The following LRBA variants were observed in gnomAD, a reference collection of about 807,000 sequenced individuals.
LRBA encodes LPS responsive beige-like anchor protein.
Under a neutral mutation model 330.0 loss-of-function variants are expected in LRBA, and 176 were observed. The ratio of observed to expected loss-of-function variants is 0.53; its 90% confidence interval spans 0.47 to 0.60. The LOEUF is 0.60. Ranked by LOEUF, LRBA falls within the 20% of genes least tolerant of loss-of-function variation. LRBA has a pLI of 0.00. For synonymous variants in LRBA, 1,230 were observed against 1,193.0 expected, an observed-to-expected ratio of 1.03 and a Z score of -0.64; for missense variants, 3,259 against 3,444.8, an observed-to-expected ratio of 0.95 and a Z score of 1.35.
Position 150,872,756 on chromosome 4 carries a change from CTGAA to C in LRBA, c.2166-5_2166-2del. 6.5e-7 allele frequency: 1 copy of C among 1,529,220 alleles called. No homozygotes were observed. The highest frequency in any genetic ancestry group is 9.0e-7 in the Non-Finnish European group (1 of 1,114,186). The allele number at this position is 1,529,220 out of a possible 1,614,324, so 94.7% of individuals were successfully genotyped here. A position where few individuals can be genotyped will look rare whatever the true frequency, so the allele number is the denominator to read the frequency against. On this transcript the variant is annotated splice_acceptor_variant and splice_polypyrimidine_tract_variant and intron_variant, in intron 17 of 56. Transcript: ENST00000651943. LOFTEE classifies it high-confidence loss of function. ...CGATGCCAGAAGTTTGTAGATAACA[CTGAA>C]TGAATAAAAATTTAAAACAAACTAT...
intron 40 of LRBA, among the ~76,000 whole-genome samples, chr4:150,557,145 G>T (rs1158164559): frequency 6.6e-6 from 1 of 152,060 alleles, no homozygotes. Flanking sequence ...AAGTGCTCAA[G>T]AAAATGAAGG....
Position 151,014,438 on chromosome 4 carries a change from C to G in LRBA, c.205G>C (p.Val69Leu). The G allele has an allele frequency of 6.2e-7, 1 of 1,613,746 alleles. No homozygotes were observed. The highest frequency in any genetic ancestry group is 8.5e-7 in the Non-Finnish European group (1 of 1,179,604). Reference protein sequence around the residue: ...EVSNRDIVETVFNLLVGGQFD... With the variant: ...EVSNRDIVETLFNLLVGGQFD... ...ATTCATGGACTTACCAGGTTAAAGA[C>G]AGTTTCTACAATATCCCTATTGGAT... The change falls in exon 2 of 57, where the codon GTC becomes CTC. Residue 69 changes from valine to leucine, a missense_variant. Coordinates refer to ENST00000651943, the MANE Select transcript of LRBA (RefSeq NM_001364905.1).
At chr4:150,910,382 G>C (rs1336330939) in intron 9 of LRBA, among the ~76,000 whole-genome samples, 1 of 151,522 alleles carries the variant, frequency 6.6e-6, no homozygotes, top group East Asian at 1.9e-4. Context: ...CTTATTTTTC[G>C]CATCTGGATA....
At chr4:150,596,011 T>A (rs921882763) in intron 38 of LRBA, among the ~76,000 whole-genome samples, 3 of 151,996 alleles carry the variant, frequency 2.0e-5, no homozygotes. Context: ...AAAGAATACT[T>A]AATCATAAGA....
In LRBA at chr4:150,989,380, C is replaced by T. The variant is rs537916084; in HGVS notation, c.216+25047G>A. ...CTGTAATCCCAGCACTTTGGGAGGC[C>T]GAGGCAGGCAGATCACGAGGTCAGG... On this transcript the variant is annotated intron_variant, in intron 2 of 56. Coordinates refer to ENST00000651943, the MANE Select transcript of LRBA (RefSeq NM_001364905.1). Among the ~76,000 whole-genome samples, 249 of 151,608 alleles carry T rather than the reference C, an allele frequency of 1.6e-3. 2 individuals carry two copies. Among genetic ancestry groups the T allele is most frequent in the Middle Eastern group, 6.8e-3 (2 of 294 alleles).
intron 44 of LRBA, among the ~76,000 whole-genome samples, chr4:150,453,933 T>G (rs1368368599): frequency 6.6e-6 from 1 of 152,186 alleles, no homozygotes; most frequent in Non-Finnish European, 1.5e-5. Flanking sequence ...GAATATTTCA[T>G]GTGAATGTTT....
At chr4:150,418,811 T>C (rs2151958271) in intron 46 of LRBA, among the ~76,000 whole-genome samples, 1 of 152,264 alleles carries the variant, frequency 6.6e-6, no homozygotes, top group South Asian at 2.1e-4. Context: ...TTCTTTTCTG[T>C]CTTGTGTGAA....
chr4:150,281,646 C>A (rs1747553902), intron 55 of LRBA, among the ~76,000 whole-genome samples: 1 of 152,152 alleles, frequency 6.6e-6, no homozygotes, highest in Admixed American at 6.6e-5. Context: ...CCCAACATGT[C>A]CTGGGTCCCC....
At chr4:150,461,551 CAAT>C (rs746539838) in intron 44 of LRBA, among the ~76,000 whole-genome samples, 204 of 151,786 alleles carry the variant, frequency 1.3e-3, no homozygotes, top group Non-Finnish European at 1.8e-3. Context: ...CTGTAAAAAA[CAAT>C]AATGTTACCT....
chr4:150,299,450 A>G (rs986703752), intron 53 of LRBA, among the ~76,000 whole-genome samples: 6 of 152,036 alleles, frequency 3.9e-5, no homozygotes, highest in Admixed American at 1.3e-4. Context: ...ACACTTTTTA[A>G]AGCCCCAAAT....
intron 47 of LRBA, among the ~76,000 whole-genome samples, chr4:150,359,794 C>A (rs1450955499): frequency 6.6e-6 from 1 of 151,892 alleles, no homozygotes; most frequent in South Asian, 2.1e-4. Flanking sequence ...GCCTGGCCAA[C>A]ACAGTGAAAC....
chr4:150,945,609 A>G (rs1371299102), intron 2 of LRBA, among the ~76,000 whole-genome samples: 1 of 152,156 alleles, frequency 6.6e-6, no homozygotes. Context: ...GACATTCCTA[A>G]AGTGTAGGTG....
At chr4:150,473,182 A>G (rs573430293) in intron 42 of LRBA, among the ~76,000 whole-genome samples, 3 of 152,266 alleles carry the variant, frequency 2.0e-5, no homozygotes, top group East Asian at 1.9e-4. Flanking sequence ...TTAGTGTAAA[A>G]TAACAGTTTT....
chr4:150,456,095 CAA>C (rs1754026177), intron 44 of LRBA, among the ~76,000 whole-genome samples: 1 of 152,028 alleles, frequency 6.6e-6, no homozygotes, highest in Non-Finnish European at 1.5e-5. Context: ...AGGTTGCTTC[CAA>C]ATCTTGGTTA....
intron 22 of LRBA, 30 bp downstream of exon 22, chr4:150,867,641 G>T: frequency 6.6e-7 from 1 of 1,513,572 alleles, no homozygotes; most frequent in South Asian, 1.3e-5. Flanking sequence ...TATTTAAAAT[G>T]CTACAATACG....
At chr4:150,775,160 A>C (rs1268339527) in intron 34 of LRBA, among the ~76,000 whole-genome samples, 2 of 152,120 alleles carry the variant, frequency 1.3e-5, no homozygotes. Context: ...TCCTACCATA[A>C]GGTCTGATCT....
rs568660948 is a variant in LRBA, at chr4:150,967,152, A to T, written c.217-38087T>A. 2.6e-5 allele frequency among the ~76,000 whole-genome samples: 4 copies of T among 152,358 alleles called. No individual in the cohort carries two copies. In the South Asian group the frequency reaches 8.3e-4, roughly 32 times the overall value. ...TAAAAAAAATTCCTCCTTGAAAAAT[A>T]ACTCCAATTTAATTCAGAACTCTAA... On this transcript the variant is annotated intron_variant, in intron 2 of 56. Transcript: ENST00000651943.
intron 13 of LRBA, among the ~76,000 whole-genome samples, chr4:150,901,320 A>G (rs942047070): frequency 1.3e-5 from 2 of 152,096 alleles, no homozygotes; most frequent in African/African-American, 2.4e-5. Flanking sequence ...TTTTTCAGTG[A>G]AATTATGGGT....
At chr4:150,489,296 A>AAT (rs1485670668) in intron 41 of LRBA, among the ~76,000 whole-genome samples, 1 of 59,798 alleles carries the variant, frequency 1.7e-5, no homozygotes, top group Middle Eastern at 0.019. Context: ...AAGAATATAT[A>AAT]ATATATTATA....
Sources: gnomAD v4.1 joint callset for allele counts (sites outside exome capture counted in the v4.1 genomes callset) on GRCh38, gnomAD v4.1.1 for gene constraint, MANE v1.5 for transcripts, NCBI Gene and HGNC (gene_info 2026-07-23, HGNC 2026-07-21) for gene names.